Variants in ARHGAP22 observed in about 807,000 individuals in gnomAD.
ARHGAP22 encodes the protein rho GTPase-activating protein 22.
In ARHGAP22, 48 loss-of-function variants were observed where a neutral mutation model predicts 59.1. The ratio of observed to expected loss-of-function variants is 0.81; its 90% CI spans 0.64 to 1.03. The LOEUF is 1.03. Among genes scored for constraint, ARHGAP22 ranks in the 50% least tolerant of loss-of-function variants. The pLI is 0.00. For missense variants in ARHGAP22, 1,015 were observed against 958.7 expected (o/e 1.06, Z -0.78); for synonymous variants, 445 against 416.4 (o/e 1.07, Z -0.84).
intron 3 of ARHGAP22, among the ~76,000 whole-genome samples, chr10:48,539,604 T>C (rs2055739497): frequency 6.6e-6 from 1 of 152,220 alleles, no homozygotes; most frequent in Admixed American, 6.5e-5. Flanking sequence ...ATTTTTAACA[T>C]TTATATTTCA....
chr10:48,451,039 G>C lies in ARHGAP22; in HGVS notation c.1090C>G (p.Leu364Val). The change falls in exon 9 of 10, where the codon CTG becomes GTG. Residue 364 changes from leucine (L) to valine (V), a missense_variant. Coordinates refer to ENST00000249601, the MANE Select transcript of ARHGAP22 (RefSeq NM_021226.4). ...GAGCCCCACCCCACTGCGCATTGCAGGCCCCCGCGCGGGGAGGTGGGCCCT... is the reference window on the plus strand; with the variant it reads ...GAGCCCCACCCCACTGCGCATTGCACGCCCCCGCGCGGGGAGGTGGGCCCT... ...PEGPTSPRGGLQCAVGWGSEE... is the reference protein window; with the variant it reads ...PEGPTSPRGGVQCAVGWGSEE... 4 of 1,553,088 alleles carry C rather than the reference G, an allele frequency of 2.6e-6. No individual in the cohort carries two copies. Among genetic ancestry groups the C allele is most frequent in the Non-Finnish European group, 3.5e-6 (4 of 1,148,402 alleles).
At chr10:48,433,341 C>G in the ARHGAP22 span, among the ~76,000 whole-genome samples, 1 of 152,072 alleles carries the variant, frequency 6.6e-6, no homozygotes, top group Non-Finnish European at 1.5e-5. Context: ...TGTTGGAGCC[C>G]TTTTATGGTT....
chr10:48,554,771 T>C (rs768913103), intron 3 of ARHGAP22, among the ~76,000 whole-genome samples: 2 of 152,180 alleles, frequency 1.3e-5, no homozygotes, highest in Non-Finnish European at 2.9e-5. Context: ...TGAGCTAGGA[T>C]GCCTGCAGCA....
intron 3 of ARHGAP22, 115 bp downstream of exon 3, chr10:48,555,348 G>A (rs1055592834): frequency 2.9e-5 from 29 of 1,001,120 alleles, no homozygotes; most frequent in Non-Finnish European, 4.3e-5. Context: ...AGTCATGCCT[G>A]GAGACTGTGC....
At chr10:48,448,995 G>A (rs2045633450) in intron 9 of ARHGAP22, among the ~76,000 whole-genome samples, 1 of 152,194 alleles carries the variant, frequency 6.6e-6, no homozygotes, top group Admixed American at 6.5e-5. Context: ...TAGAATCCAA[G>A]TAGTCTGACC....
At chr10:48,628,398 G>A (rs1439540345) in intron 1 of ARHGAP22, among the ~76,000 whole-genome samples, 1 of 152,226 alleles carries the variant, frequency 6.6e-6, no homozygotes, top group Non-Finnish European at 1.5e-5. Flanking sequence ...GTGAGGCTCA[G>A]AGCCAGTGTG....
At chr10:48,473,516 ATGAGGACTATTTAGTACTCAGAGAACGC>A (rs57007420) in intron 4 of ARHGAP22, among the ~76,000 whole-genome samples, 47,208 of 151,758 alleles carry the variant, frequency 0.31, 8,295 homozygotes, top group East Asian at 0.65. Flanking sequence ...TAATGAATGA[ATGAGGACTATTTAGTACTCAGAGAACGC>A]TGAGGACTAT....
Position 48,446,586 on chromosome 10 carries a change from T to G in ARHGAP22, c.1902A>C (p.Arg634=). 1 of 1,614,228 alleles carries G rather than the reference T, an allele frequency of 6.2e-7. No individual in the cohort carries two copies. The highest frequency in any genetic ancestry group is 1.1e-5 in the South Asian group (1 of 91,088). ...IEEGSADLRK[R]MSRLEEELDQ... is the part of the protein sequence containing the mutation. Reference sequence around the variant, plus strand: ...CCAGTTCTTCTTCTAACCGGGACATTCGTTTTCTCAGGTCAGCACTCCCTT... The same window carrying G: ...CCAGTTCTTCTTCTAACCGGGACATGCGTTTTCTCAGGTCAGCACTCCCTT... The change falls in exon 10 of 10, where the codon CGA becomes CGC. Residue 634 remains arginine, a synonymous_variant. Transcript: ENST00000249601.
chr10:48,609,859 G>A (rs972134929), upstream of ARHGAP22, among the ~76,000 whole-genome samples: 3 of 152,116 alleles, frequency 2.0e-5, no homozygotes, highest in Admixed American at 6.5e-5. Context: ...ATCTATATAC[G>A]AAACCTATCA....
intron 1 of ARHGAP22, among the ~76,000 whole-genome samples, chr10:48,584,695 T>C (rs980555660): frequency 2.6e-5 from 4 of 152,204 alleles, no homozygotes; most frequent in Non-Finnish European, 5.9e-5. Context: ...AACATGACAG[T>C]AAATATTACA....
chr10:48,541,083 A>G (rs556229280), intron 3 of ARHGAP22, among the ~76,000 whole-genome samples: 5 of 152,076 alleles, frequency 3.3e-5, no homozygotes, highest in Non-Finnish European at 7.4e-5. Flanking sequence ...ATTTCCACCA[A>G]GCTCCCAGGT....
chr10:48,429,981 G>A, the ARHGAP22 span: 1 of 152,214 alleles, frequency 6.6e-6, no homozygotes, highest in East Asian at 1.9e-4. Flanking sequence ...ATGATAAATA[G>A]TGTTGATGTG....
rs545910086 is a variant in ARHGAP22 at position 48,464,971 on chromosome 10, C to A, written c.452-5080G>T. Among the ~76,000 whole-genome samples the A allele has an allele frequency of 2.3e-4, 35 of 151,884 alleles. 1 individual carries two copies. The East Asian group carries it at 3.7e-3, about 16-fold the overall frequency. ...TAGCCTCCCAAGAGGCTTCCTTCCC[C>A]GCGGCCCTCCTGTGGGAGGCACCCT... On this transcript the variant is annotated intron_variant, in intron 4 of 9. Transcript: ENST00000249601.
At chr10:48,514,673 T>A (rs1049626806) in intron 3 of ARHGAP22, among the ~76,000 whole-genome samples, 2 of 152,164 alleles carry the variant, frequency 1.3e-5, no homozygotes, top group Admixed American at 1.3e-4. Context: ...CATATATAGT[T>A]AAAAATAAAA....
At chr10:48,503,308 T>C (rs1340589990) in intron 3 of ARHGAP22, among the ~76,000 whole-genome samples, 3 of 152,174 alleles carry the variant, frequency 2.0e-5, no homozygotes, top group Non-Finnish European at 4.4e-5. Flanking sequence ...CTGAGTGACC[T>C]GGAGGGAATA....
rs561283179 is a variant in ARHGAP22 at position 48,476,197 on chromosome 10, A to G, written c.451+3439T>C. Among the ~76,000 whole-genome samples the G allele has an allele frequency of 4.6e-5, 7 of 152,298 alleles. No homozygotes were observed. In the South Asian group the frequency reaches 1.5e-3, roughly 32 times the overall value. On this transcript the variant is annotated intron_variant, in intron 4 of 9. Transcript: ENST00000249601. ...CAGCCCCTAGAACATTTGCGAGTCC[A>G]TTGCAGGTTGGCTGAATGACCAGAT...
At chr10:48,625,959 G>T (rs184483424) in intron 1 of ARHGAP22, among the ~76,000 whole-genome samples, 1 of 152,224 alleles carries the variant, frequency 6.6e-6, no homozygotes, top group African/African-American at 2.4e-5. Context: ...CAAATGCTCA[G>T]CTCACCACCA....
chr10:48,531,661 AAGTACAGAGAAGTGAGGGCACCG>A (rs1188124196), intron 3 of ARHGAP22, among the ~76,000 whole-genome samples: 16 of 4,112 alleles, frequency 3.9e-3, no homozygotes, highest in Non-Finnish European at 0.012. Flanking sequence ...GAGGGCACCG[AAGTACAGAGAAGTGAGGGCACCG>A]AAGTACAGAG....
chr10:48,498,983 G>A (rs1006246714), intron 3 of ARHGAP22, among the ~76,000 whole-genome samples: 7 of 152,004 alleles, frequency 4.6e-5, no homozygotes, highest in African/African-American at 1.7e-4. Flanking sequence ...GTCTAAGAAG[G>A]ACTCCACCAA....
Sources: allele counts gnomAD v4.1 joint callset (sites outside exome capture counted in the v4.1 genomes callset), GRCh38; gene constraint gnomAD v4.1.1; transcripts MANE v1.5; gene names NCBI Gene and HGNC (gene_info 2026-07-23, HGNC 2026-07-21).